The following ADAT2 variants were observed in gnomAD, a reference collection of about 807,000 sequenced individuals.
ADAT2 encodes adenosine deaminase tRNA specific 2, also known as tRNA-specific adenosine-34 deaminase catalytic subunit ADAT2.
In ADAT2, 26 loss-of-function variants were observed where a neutral mutation model predicts 25.9. The ratio of observed to expected loss-of-function variants is 1.00; its 90% CI spans 0.74 to 1.39. The LOEUF (loss-of-function observed/expected upper bound fraction) is 1.39. Among genes scored for constraint, ADAT2 ranks in the 40% most tolerant of loss-of-function variants. The pLI, the probability that ADAT2 is intolerant of heterozygous loss-of-function variation, is 0.00. For missense variants in ADAT2, 220 were observed against 244.8 expected (o/e 0.90, Z 0.68); for synonymous variants, 76 against 86.8 (o/e 0.88, Z 0.69).
chr6:143,438,504 C>G, intron 2 of ADAT2, 86 bp downstream of exon 2: 1 of 1,045,584 alleles, frequency 9.6e-7, no homozygotes, highest in Non-Finnish European at 1.5e-6. Flanking sequence ...TATATTCAGT[C>G]TCACCTTCAC....
In ADAT2 at chr6:143,424,974, C is replaced by G. The variant is rs187317738; in HGVS notation, c.*3489G>C. On this transcript the variant is annotated 3_prime_UTR_variant, in exon 6 of 6. Transcript: ENST00000237283. This position sits in a 1 kb window ranked among gnomAD's most constrained non-coding sequence, Gnocchi z 4.8. Reference sequence around the variant, plus strand: ...TAGGACAACACCTTGACCAGATGACCAAAATTGACATCACCTTGGTGTGAC... The same window carrying G: ...TAGGACAACACCTTGACCAGATGACGAAAATTGACATCACCTTGGTGTGAC... 126 of 152,260 alleles carry G rather than the reference C, an allele frequency of 8.3e-4. 1 individual carries two copies. Among genetic ancestry groups the G allele is most frequent in the African/African-American group, 2.9e-3 (119 of 41,542 alleles). The allele number at this position is 152,260 out of a possible 1,614,324, so 9.4% of individuals were successfully genotyped here.
rs1026968828 is a variant in ADAT2 at position 143,440,754 on chromosome 6, A to G, written c.97-2060T>C. Among the ~76,000 whole-genome samples, 1 of 152,230 alleles carries G rather than the reference A, an allele frequency of 6.6e-6. No homozygotes were observed. The highest frequency in any genetic ancestry group is 1.5e-5 in the Non-Finnish European group (1 of 68,030). On this transcript the variant is annotated intron_variant, in intron 1 of 5. Coordinates refer to ENST00000237283, the MANE Select transcript of ADAT2 (RefSeq NM_182503.3). This position sits in a 1 kb window ranked among gnomAD's most constrained non-coding sequence, Gnocchi z 4.5. ...GGAAGAAGACGGACAGTTAAGGAGA[A>G]TGGAAATGCTAACTACCAGTGTAGC... is the stretch of plus-strand genomic sequence containing the variant.
In ADAT2 at chr6:143,436,408, C is replaced by T. The variant is rs952347898; in HGVS notation, c.201+2182G>A. 3.7e-6 allele frequency: 1 copy of T among 271,396 alleles called. No individual in the cohort carries two copies. The allele number at this position is 271,396 out of a possible 1,614,324, so 16.8% of individuals were successfully genotyped here. On this transcript the variant is annotated intron_variant, in intron 2 of 5. Coordinates refer to ENST00000237283, the MANE Select transcript of ADAT2 (RefSeq NM_182503.3). This position sits in a 1 kb window ranked among gnomAD's most constrained non-coding sequence, Gnocchi z 4.1. ...CAGCAGCTACTTTGCTGACTGGATCCCCTACAATGGGAAAACAGCTTTCTG... is the reference window on the plus strand; with the variant it reads ...CAGCAGCTACTTTGCTGACTGGATCTCCTACAATGGGAAAACAGCTTTCTG...
rs138615706 is a variant in ADAT2, at chr6:143,423,959, T to A, written c.*4504A>T. The A allele has an allele frequency of 1.3e-5, 2 of 152,310 alleles. No individual in the cohort carries two copies. Among genetic ancestry groups the A allele is most frequent in the South Asian group, 4.1e-4 (2 of 4,824 alleles). 9.4% of individuals were successfully genotyped at this position (152,310 alleles called of 1,614,324 possible). On this transcript the variant is annotated 3_prime_UTR_variant, in exon 6 of 6. Coordinates refer to ENST00000237283, the MANE Select transcript of ADAT2 (RefSeq NM_182503.3). Reference sequence around the variant, plus strand: ...GAAGTTTGGTCAAGGAGAGAGCCTTTGTCAAACTACACCATGAAGCCTCCT... The same window carrying A: ...GAAGTTTGGTCAAGGAGAGAGCCTTAGTCAAACTACACCATGAAGCCTCCT...
rs751305181 is a variant in ADAT2 at position 143,433,909 on chromosome 6, A to T, written c.274T>A (p.Ser92Thr). The change falls in exon 3 of 6, where the codon TCT becomes ACT. Residue 92 changes from serine to threonine, a missense_variant. Physicochemically the swap from Ser to Thr is moderately conservative, Grantham distance 58. Coordinates refer to ENST00000237283, the MANE Select transcript of ADAT2 (RefSeq NM_182503.3). ...AACACAGTGTGTTCAAATACTTCAG[A>T]GGGACTCTTGCCACTTTGACGACAC... Reference protein sequence around the residue: ...DWCRQSGKSPSEVFEHTVLYV... With the variant: ...DWCRQSGKSPTEVFEHTVLYV... The T allele has an allele frequency of 3.7e-6, 6 of 1,614,052 alleles. No individual in the cohort carries two copies. Among genetic ancestry groups the T allele is most frequent in the Non-Finnish European group, 5.1e-6 (6 of 1,180,026 alleles).
At chr6:143,449,240 CG>C (rs1395478609) in intron 1 of ADAT2, among the ~76,000 whole-genome samples, 2 of 152,024 alleles carry the variant, frequency 1.3e-5, no homozygotes, top group Non-Finnish European at 2.9e-5. Context: ...TTAGTAGTGA[CG>C]GGGTCTGGCT....
chr6:143,441,822 G>C (rs931252108), intron 1 of ADAT2: 2 of 152,194 alleles, frequency 1.3e-5, no homozygotes, highest in African/African-American at 4.8e-5. Context: ...TTAGCCGGTA[G>C]AGAAATGTCA....
rs369075780 is a variant in ADAT2, at chr6:143,432,641, T to C, written c.353-30A>G. ...GACAGAATTAAGGTCCTGCATAGAA[T>C]GTACATTTCAAGTATGTATCGTGAC... On this transcript the variant is annotated intron_variant, in intron 3 of 5. Transcript: ENST00000237283. The surrounding 1 kb of genome is among the most constrained non-coding windows in gnomAD (Gnocchi z 4.4). 5 of 1,602,918 alleles carry C rather than the reference T, an allele frequency of 3.1e-6. No individual in the cohort carries two copies. The highest frequency in any genetic ancestry group is 2.7e-5 in the African/African-American group (2 of 74,754).
At chr6:143,443,964 C>A (rs1779529363) in intron 1 of ADAT2, among the ~76,000 whole-genome samples, 2 of 151,916 alleles carry the variant, frequency 1.3e-5, no homozygotes. Flanking sequence ...CTCAAACCTG[C>A]AGAAGAGAAT....
rs1779217831 is a variant in ADAT2, at chr6:143,434,761, CCTT to C, written c.202-783_202-781del. On this transcript the variant is annotated intron_variant, in intron 2 of 5. Transcript: ENST00000237283. The surrounding 1 kb of genome is among the most constrained non-coding windows in gnomAD (Gnocchi z 4.5). The stretch of plus-strand genomic sequence containing the variant: ...ACATGTACTCTGCTAGCTCTTGTCT[CCTT>C]TTCTTTCTCCCTTACTAAAATAGCT... 6.6e-6 allele frequency among the ~76,000 whole-genome samples: 1 copy of C among 152,136 alleles called. No homozygotes were observed. Among genetic ancestry groups the C allele is most frequent in the South Asian group, 2.1e-4 (1 of 4,832 alleles).
rs375302519 is a variant in ADAT2 at position 143,433,929 on chromosome 6, C to T, written c.254G>A (p.Arg85His). ...TTCAGAGGGACTCTTGCCACTTTGACGACACCAATCGAGGACCTGATCGAT... is the reference window on the plus strand; with the variant it reads ...TTCAGAGGGACTCTTGCCACTTTGATGACACCAATCGAGGACCTGATCGAT... ...VAIDQVLDWC[R>H]QSGKSPSEVF... The change falls in exon 3 of 6, where the codon CGT becomes CAT. Residue 85 changes from arginine to histidine, a missense_variant. By Grantham distance (29) the Arg-to-His change is conservative (BLOSUM62 0). Transcript: ENST00000237283. The T allele has an allele frequency of 1.9e-5, 31 of 1,614,004 alleles. No homozygotes were observed. Among genetic ancestry groups the T allele is most frequent in the South Asian group, 7.7e-5 (7 of 91,084 alleles).
At chr6:143,448,833 C>T (rs964159246) in intron 1 of ADAT2, among the ~76,000 whole-genome samples, 1 of 151,766 alleles carries the variant, frequency 6.6e-6, no homozygotes, top group African/African-American at 2.4e-5. Context: ...CACAGAGAGA[C>T]CCTGTCTAAA....
chr6:143,430,487 CAATAT>C (rs1180453582), intron 4 of ADAT2, among the ~76,000 whole-genome samples: 2 of 152,180 alleles, frequency 1.3e-5, no homozygotes, highest in South Asian at 2.1e-4. Context: ...CCTAACACAC[CAATAT>C]AATATATTAT....
chr6:143,429,776 G>A (rs766948929), intron 4 of ADAT2, among the ~76,000 whole-genome samples: 11 of 152,318 alleles, frequency 7.2e-5, no homozygotes, highest in Middle Eastern at 3.4e-3. Context: ...TAGGCACAGA[G>A]GACAGGAGGA....
At chr6:143,441,102 T>A (rs370693925) in intron 1 of ADAT2, among the ~76,000 whole-genome samples, 1 of 152,190 alleles carries the variant, frequency 6.6e-6, no homozygotes, top group African/African-American at 2.4e-5. Flanking sequence ...AAAACTTTGA[T>A]TGGGGCTCAC....
At chr6:143,439,346 CAAA>C (rs35250658) in intron 1 of ADAT2, among the ~76,000 whole-genome samples, 3 of 111,546 alleles carry the variant, frequency 2.7e-5, no homozygotes, top group Non-Finnish European at 5.6e-5. Context: ...TATGTGTCTA[CAAA>C]AAAAAAAAAA....
At position 143,440,958 on chromosome 6, in the gene ADAT2, C is replaced by T. The variant is rs1041849719; in HGVS notation, c.97-2264G>A. On this transcript the variant is annotated intron_variant, in intron 1 of 5. Coordinates refer to ENST00000237283, the MANE Select transcript of ADAT2 (RefSeq NM_182503.3). The surrounding 1 kb of genome is among the most constrained non-coding windows in gnomAD (Gnocchi z 4.5). ...GAAGGCACCCACAGAAGGCAAGAGG[C>T]GAAGTGATAACGGAAGGAGAGAGAG... is the stretch of plus-strand genomic sequence containing the variant. 2.0e-5 allele frequency among the ~76,000 whole-genome samples: 3 copies of T among 151,964 alleles called. No individual in the cohort carries two copies. The highest frequency in any genetic ancestry group is 1.9e-4 in the East Asian group (1 of 5,180).
At position 143,434,058 on chromosome 6, in the gene ADAT2, T is replaced by A; in HGVS notation, c.202-77A>T. On this transcript the variant is annotated intron_variant, in intron 2 of 5. Transcript: ENST00000237283. This position sits in a 1 kb window ranked among gnomAD's most constrained non-coding sequence, Gnocchi z 4.5. ...ATTTTACAAATATACAAAAACTAAG[T>A]ACAAAATATGCGCCTATCCTTTCTG... 1 of 1,553,622 alleles carries A rather than the reference T, an allele frequency of 6.4e-7. No individual in the cohort carries two copies. The highest frequency in any genetic ancestry group is 8.8e-7 in the Non-Finnish European group (1 of 1,141,490).
In ADAT2 at chr6:143,434,049, A is replaced by G. The variant is rs1779195749; in HGVS notation, c.202-68T>C. 2.5e-6 allele frequency: 4 copies of G among 1,577,622 alleles called. No individual in the cohort carries two copies. The highest frequency in any genetic ancestry group is 1.4e-5 in the African/African-American group (1 of 73,824). On this transcript the variant is annotated intron_variant, in intron 2 of 5. Coordinates refer to ENST00000237283, the MANE Select transcript of ADAT2 (RefSeq NM_182503.3). The surrounding 1 kb of genome is among the most constrained non-coding windows in gnomAD (Gnocchi z 4.5). ...GTGACTACTATTTTACAAATATACA[A>G]AAACTAAGTACAAAATATGCGCCTA...
Sources: allele counts gnomAD v4.1 joint callset (sites outside exome capture counted in the v4.1 genomes callset), GRCh38; gene constraint gnomAD v4.1.1; non-coding constraint Gnocchi (gnomAD v3.1); transcripts MANE v1.5; gene names NCBI Gene and HGNC (gene_info 2026-07-23, HGNC 2026-07-21).